The following VWA3B variants were observed in gnomAD, a reference collection of about 807,000 sequenced individuals.
VWA3B encodes von Willebrand factor A domain containing 3B.
A neutral mutation model predicts 158.3 loss-of-function variants in VWA3B; 138 were observed. That is an observed-to-expected ratio of 0.87 (90% CI 0.76 to 1.00). VWA3B has a LOEUF of 1.00. Ranked by LOEUF, VWA3B falls within the 50% of genes least tolerant of loss-of-function variation. VWA3B has a pLI of 0.00. For synonymous variants in VWA3B, 596 were observed against 587.3 expected, an observed-to-expected ratio of 1.01 and a Z score of -0.21; for missense variants, 1,555 against 1,565.1, an observed-to-expected ratio of 0.99 and a Z score of 0.11.
At chr2:98,271,166 C>A (rs942117417) in intron 22 of VWA3B, among the ~76,000 whole-genome samples, 2 of 151,874 alleles carry the variant, frequency 1.3e-5, no homozygotes, top group African/African-American at 2.4e-5. Context: ...TTCACAGGAG[C>A]CAGACCAAGA....
the VWA3B span, among the ~76,000 whole-genome samples, chr2:98,329,094 C>G: frequency 6.6e-6 from 1 of 152,144 alleles, no homozygotes; most frequent in Non-Finnish European, 1.5e-5. Flanking sequence ...CAGAGAAAGT[C>G]TTTTCAACAA....
intron 12 of VWA3B, among the ~76,000 whole-genome samples, chr2:98,209,508 C>A (rs1302141954): frequency 6.6e-6 from 1 of 152,132 alleles, no homozygotes; most frequent in Non-Finnish European, 1.5e-5. Flanking sequence ...TCTCGATCTC[C>A]TGACCTCATG....
At chr2:98,185,424 G>T (rs1462242631) in intron 9 of VWA3B, among the ~76,000 whole-genome samples, 2 of 152,196 alleles carry the variant, frequency 1.3e-5, no homozygotes, top group African/African-American at 4.8e-5. Flanking sequence ...TAACTGTACT[G>T]GCAGAAACTG....
chr2:98,092,155 CA>C (rs1255250681), intron 1 of VWA3B, among the ~76,000 whole-genome samples: 2 of 152,162 alleles, frequency 1.3e-5, no homozygotes, highest in Admixed American at 6.5e-5. Flanking sequence ...GTCTGGTTCC[CA>C]ACCGCCACCA....
At chr2:98,126,827 C>T (rs1675400942) in intron 5 of VWA3B, among the ~76,000 whole-genome samples, 1 of 152,142 alleles carries the variant, frequency 6.6e-6, no homozygotes, top group African/African-American at 2.4e-5. Context: ...ATCTCAGCTC[C>T]CACTCTGTCC....
chr2:98,229,065 T>A (rs188303933), intron 15 of VWA3B: 1 of 152,358 alleles, frequency 6.6e-6, no homozygotes, highest in Admixed American at 6.5e-5. Flanking sequence ...AGCATTTGTA[T>A]GGGCTTAAGG....
intron 22 of VWA3B, among the ~76,000 whole-genome samples, chr2:98,274,124 C>G (rs1041006959): frequency 6.6e-6 from 1 of 152,204 alleles, no homozygotes; most frequent in Non-Finnish European, 1.5e-5. Flanking sequence ...TCTTTTCTGT[C>G]TCCCTGGGAT....
chr2:98,137,124 T>G (rs1676344604), intron 7 of VWA3B, among the ~76,000 whole-genome samples: 1 of 152,234 alleles, frequency 6.6e-6, no homozygotes, highest in African/African-American at 2.4e-5. Flanking sequence ...ACAAAATAGC[T>G]CTTTGAGATT....
At chr2:98,197,000 G>A (rs914111003) in intron 12 of VWA3B, among the ~76,000 whole-genome samples, 2 of 152,116 alleles carry the variant, frequency 1.3e-5, no homozygotes, top group African/African-American at 4.8e-5. Context: ...CTAAATTGCA[G>A]ACTTTATTCA....
At chr2:98,136,007 T>TC (rs1403873622) in intron 7 of VWA3B, among the ~76,000 whole-genome samples, 2 of 152,060 alleles carry the variant, frequency 1.3e-5, no homozygotes, top group Non-Finnish European at 2.9e-5. Flanking sequence ...TTACATTATT[T>TC]CCCCCTCCAT....
chr2:98,207,002 G>T, intron 12 of VWA3B: 2 of 490,234 alleles, frequency 4.1e-6, no homozygotes, highest in South Asian at 1.5e-5. Context: ...GCTCTGACTG[G>T]ACTGACTGTG....
chr2:98,199,065 C>T (rs890046961), intron 12 of VWA3B, among the ~76,000 whole-genome samples: 5 of 144,622 alleles, frequency 3.5e-5, no homozygotes, highest in African/African-American at 1.0e-4. Flanking sequence ...CCATCCTGGG[C>T]GACAGCGCGA....
At chr2:98,276,095 C>T (rs554965744) in intron 22 of VWA3B, among the ~76,000 whole-genome samples, 41 of 152,120 alleles carry the variant, frequency 2.7e-4, no homozygotes, top group African/African-American at 9.7e-4. Flanking sequence ...AGGGGAACGC[C>T]GATGTTCCAG....
intron 7 of VWA3B, among the ~76,000 whole-genome samples, chr2:98,139,266 G>A (rs575145287): frequency 6.6e-6 from 1 of 152,306 alleles, no homozygotes. Flanking sequence ...ACTGCAGCCC[G>A]CCATACCTGA....
chr2:98,133,713 A>C (rs1676039830), intron 6 of VWA3B, 111 bp from the exon 7 acceptor site: 2 of 820,486 alleles, frequency 2.4e-6, no homozygotes, highest in Non-Finnish European at 2.0e-6. Context: ...ATGGCTAAGA[A>C]GATGAAGATG....
At chr2:98,176,014 C>A (rs1679983881) in intron 8 of VWA3B, among the ~76,000 whole-genome samples, 1 of 152,196 alleles carries the variant, frequency 6.6e-6, no homozygotes, top group Non-Finnish European at 1.5e-5. Context: ...ACGAGCTTCT[C>A]TCTCACACCA....
chr2:98,107,249 C>T (rs186903325), intron 2 of VWA3B, among the ~76,000 whole-genome samples: 53 of 151,968 alleles, frequency 3.5e-4, no homozygotes, highest in African/African-American at 8.4e-4. Context: ...TGTTGTGTTA[C>T]GGATTTTTGC....
chr2:98,266,929 G>A (rs1408431777), intron 21 of VWA3B, among the ~76,000 whole-genome samples: 5,384 of 148,186 alleles, frequency 0.036, 108 homozygotes, highest in Middle Eastern at 0.072. Flanking sequence ...TTGCTTATCA[G>A]CTTAAGGAGA....
chr2:98,193,139 A>G (rs1297440549), intron 11 of VWA3B, 103 bp downstream of exon 11: 1 of 1,417,544 alleles, frequency 7.1e-7, no homozygotes, highest in Non-Finnish European at 9.5e-7. Context: ...AAGAAAGCCA[A>G]ATTCAGAGAA....
Sources: gnomAD v4.1 joint callset for allele counts (sites outside exome capture counted in the v4.1 genomes callset) on GRCh38, gnomAD v4.1.1 for gene constraint, MANE v1.5 for transcripts, NCBI Gene and HGNC (gene_info 2026-07-23, HGNC 2026-07-21) for gene names.